Variants in KLRG1 observed in about 807,000 individuals in gnomAD.
KLRG1 encodes killer cell lectin like receptor G1.
KLRG1 carries 16 observed loss-of-function variants against 21.8 expected under a neutral mutation model. The ratio of observed to expected loss-of-function variants is 0.73; its 90% CI spans 0.50 to 1.11. The LOEUF (loss-of-function observed/expected upper bound fraction) is 1.11, where lower values mean the gene tolerates loss of function less well. Ranked by LOEUF, KLRG1 falls within the 50% of genes most tolerant of loss-of-function variation. The pLI is 0.00. For missense variants in KLRG1, 173 were observed against 218.3 expected (o/e 0.79, Z 1.31); for synonymous variants, 69 against 75.9 (o/e 0.91, Z 0.47).
At chr12:8,956,415 G>T (rs1390675769) in intron 1 of KLRG1, among the ~76,000 whole-genome samples, 1 of 152,144 alleles carries the variant, frequency 6.6e-6, no homozygotes, top group Non-Finnish European at 1.5e-5. Context: ...AGCCAGAGCT[G>T]TAACATGCTG....
At chr12:9,156,587 T>C in the KLRG1 span, among the ~76,000 whole-genome samples, 10 of 152,180 alleles carry the variant, frequency 6.6e-5, no homozygotes, top group Admixed American at 6.5e-4. Context: ...TAGAGAGAAA[T>C]CATGAGAAAA....
At chr12:9,120,767 A>G in the KLRG1 span, among the ~76,000 whole-genome samples, 2 of 152,070 alleles carry the variant, frequency 1.3e-5, no homozygotes, top group East Asian at 3.8e-4. Context: ...CTTGGGCAAA[A>G]TCTGCAGTGA....
At chr12:9,021,947 C>T in the KLRG1 span, among the ~76,000 whole-genome samples, 2 of 152,114 alleles carry the variant, frequency 1.3e-5, no homozygotes, top group African/African-American at 4.8e-5. Context: ...AAGGAATAGA[C>T]TCTAAGATAA....
chr12:9,154,169 G>C, the KLRG1 span, among the ~76,000 whole-genome samples: 3 of 152,130 alleles, frequency 2.0e-5, no homozygotes, highest in African/African-American at 4.8e-5. Context: ...CTGGAACATT[G>C]GTTCCCAACT....
At chr12:9,095,815 A>G in the KLRG1 span, 1 of 833,210 alleles carries the variant, frequency 1.2e-6, no homozygotes, top group African/African-American at 2.1e-5. Context: ...CGCGGACTGC[A>G]GTGGCGCAAT....
chr12:9,043,270 G>A, the KLRG1 span, among the ~76,000 whole-genome samples: 1 of 152,018 alleles, frequency 6.6e-6, no homozygotes, highest in Non-Finnish European at 1.5e-5. Flanking sequence ...TAGAGATGGG[G>A]TTTCACCATG....
the KLRG1 span, among the ~76,000 whole-genome samples, chr12:9,207,794 A>G: frequency 6.6e-6 from 1 of 152,212 alleles, no homozygotes; most frequent in Non-Finnish European, 1.5e-5. Flanking sequence ...ACCAACTTAC[A>G]ACTGGATAGG....
chr12:9,161,875 T>G, the KLRG1 span, among the ~76,000 whole-genome samples: 2 of 152,194 alleles, frequency 1.3e-5, no homozygotes, highest in African/African-American at 4.8e-5. Flanking sequence ...GGAAATGCTA[T>G]ATGTTTTGTC....
chr12:9,076,311 A>T, the KLRG1 span, among the ~76,000 whole-genome samples: 24 of 152,258 alleles, frequency 1.6e-4, no homozygotes, highest in African/African-American at 5.3e-4. Flanking sequence ...CATTTATTAC[A>T]ACAGCTCTGT....
At chr12:9,082,314 C>T in the KLRG1 span, among the ~76,000 whole-genome samples, 1 of 152,236 alleles carries the variant, frequency 6.6e-6, no homozygotes, top group African/African-American at 2.4e-5. Context: ...AATCATCCAG[C>T]CAGGCAACAC....
chr12:9,009,694 T>A lies in KLRG1; in HGVS notation c.*157T>A. The A allele has an allele frequency of 7.0e-7, 1 of 1,430,338 alleles. No homozygotes were observed. The highest frequency in any genetic ancestry group is 2.9e-5 in the Admixed American group (1 of 34,378). 88.6% of individuals were successfully genotyped at this position (1,430,338 alleles called of 1,614,324 possible). A position where few individuals can be genotyped will look rare whatever the true frequency, so the allele number is the denominator to read the frequency against. ...TGCAAGACAACCTCCTAGGGATTGA[T>A]GCCTAACTGATGGATTCTCTTTGAG... On this transcript the variant is annotated 3_prime_UTR_variant, in exon 5 of 5. Transcript: ENST00000356986.
the KLRG1 span, among the ~76,000 whole-genome samples, chr12:9,189,684 T>C: frequency 6.6e-6 from 1 of 152,148 alleles, no homozygotes; most frequent in Non-Finnish European, 1.5e-5. Context: ...CAAAAGAAAC[T>C]ATCAATAGAG....
the KLRG1 span, among the ~76,000 whole-genome samples, chr12:9,096,167 T>C: frequency 1.3e-5 from 2 of 152,240 alleles, no homozygotes; most frequent in Non-Finnish European, 2.9e-5. Flanking sequence ...TGGATCATTT[T>C]CTTGACACAG....
the KLRG1 span, chr12:9,058,147 A>T: frequency 6.6e-6 from 1 of 152,194 alleles, no homozygotes; most frequent in Non-Finnish European, 1.5e-5. Flanking sequence ...TGATGGAATT[A>T]CACTGTGATA....
the KLRG1 span, chr12:9,074,679 G>A: frequency 6.2e-7 from 1 of 1,614,004 alleles, no homozygotes; most frequent in South Asian, 1.1e-5. Context: ...TAAGCGAGGA[G>A]CACATAGGAT....
the KLRG1 span, chr12:9,115,912 C>A: frequency 4.5e-4 from 635 of 1,409,820 alleles, 2 homozygotes; most frequent in African/African-American, 7.8e-3. Flanking sequence ...TACAATCCAT[C>A]TGGTCCCAAA....
At chr12:9,107,959 G>A in the KLRG1 span, among the ~76,000 whole-genome samples, 3 of 150,658 alleles carry the variant, frequency 2.0e-5, no homozygotes, top group Non-Finnish European at 3.0e-5. Context: ...CCAGCAAGAC[G>A]AAACAAACAA....
chr12:8,968,671 T>C (rs902785399), intron 1 of KLRG1, among the ~76,000 whole-genome samples: 1 of 152,212 alleles, frequency 6.6e-6, no homozygotes, highest in South Asian at 2.1e-4. Context: ...TCTTTTCCAG[T>C]GCACACAGAC....
chr12:9,168,985 A>T, the KLRG1 span: 2 of 1,583,428 alleles, frequency 1.3e-6, no homozygotes, highest in African/African-American at 2.7e-5. Context: ...CTGGAAAAAA[A>T]TAATTGTTCA....
Sources: allele counts gnomAD v4.1 joint callset (sites outside exome capture counted in the v4.1 genomes callset), GRCh38; gene constraint gnomAD v4.1.1; transcripts MANE v1.5; gene names NCBI Gene and HGNC (gene_info 2026-07-23, HGNC 2026-07-21).